The following TAFA5 variants were observed in gnomAD, a reference collection of about 807,000 sequenced individuals.
TAFA5 encodes TAFA chemokine like family member 5, also known as chemokine-like protein TAFA-5.
In TAFA5, 6 loss-of-function variants were observed where a neutral mutation model predicts 15.3. The ratio of observed to expected loss-of-function variants is 0.39; its 90% CI spans 0.21 to 0.77. The LOEUF (loss-of-function observed/expected upper bound fraction) is 0.77, where lower values mean the gene tolerates loss of function less well. Among genes scored for constraint, TAFA5 ranks in the 30% least tolerant of loss-of-function variants. TAFA5 has a pLI of 0.41. For missense variants in TAFA5, 161 were observed against 193.1 expected, an observed-to-expected ratio of 0.83 and a Z score of 0.98; for synonymous variants, 103 against 80.7, an observed-to-expected ratio of 1.28 and a Z score of -1.48.
At chr22:48,633,906 C>T (rs1926338329) in intron 1 of TAFA5, among the ~76,000 whole-genome samples, 2 of 152,200 alleles carry the variant, frequency 1.3e-5, no homozygotes, top group Non-Finnish European at 2.9e-5. Context: ...GTGTTTATTT[C>T]TCACAATCGT....
chr22:48,520,368 C>G (rs1921561057), intron 1 of TAFA5, among the ~76,000 whole-genome samples: 1 of 152,248 alleles, frequency 6.6e-6, no homozygotes, highest in South Asian at 2.1e-4. Flanking sequence ...TTGGCTGCTT[C>G]CATCCTTCTG....
chr22:48,695,465 G>A (rs1186759651), intron 2 of TAFA5, among the ~76,000 whole-genome samples: 1 of 152,232 alleles, frequency 6.6e-6, no homozygotes, highest in Non-Finnish European at 1.5e-5. Flanking sequence ...ATGGAAATGA[G>A]GAAAGTTTAT....
chr22:48,747,116 G>A (rs756049259), intron 3 of TAFA5, among the ~76,000 whole-genome samples: 1 of 152,142 alleles, frequency 6.6e-6, no homozygotes, highest in African/African-American at 2.4e-5. Context: ...ATTCCCGCCC[G>A]GCCCTGCCCT....
intron 2 of TAFA5, among the ~76,000 whole-genome samples, chr22:48,689,786 A>T (rs1246480557): frequency 6.6e-6 from 1 of 152,080 alleles, no homozygotes; most frequent in Non-Finnish European, 1.5e-5. Context: ...CATTGGCATA[A>T]CAGGTGAGGG....
intron 1 of TAFA5, among the ~76,000 whole-genome samples, chr22:48,631,051 G>C (rs900384557): frequency 6.6e-6 from 1 of 152,168 alleles, no homozygotes; most frequent in Non-Finnish European, 1.5e-5. Flanking sequence ...GTTCTGGAGG[G>C]GGTGTGGCTC....
chr22:48,507,630 G>A (rs916977244), intron 1 of TAFA5, among the ~76,000 whole-genome samples: 37 of 152,196 alleles, frequency 2.4e-4, no homozygotes, highest in African/African-American at 8.0e-4. Flanking sequence ...TTTCCCCATG[G>A]GGCCTCATTC....
chr22:48,541,183 C>T (rs955169109), intron 1 of TAFA5, among the ~76,000 whole-genome samples: 2 of 152,060 alleles, frequency 1.3e-5, no homozygotes, highest in African/African-American at 2.4e-5. Context: ...CCTCCCGGGG[C>T]GTTTGTACAG....
At chr22:48,743,655 G>A (rs985334709) in intron 3 of TAFA5, among the ~76,000 whole-genome samples, 19 of 152,186 alleles carry the variant, frequency 1.2e-4, no homozygotes, top group African/African-American at 4.6e-4. Flanking sequence ...GCCAGGAGCG[G>A]ACTGTGGGGG....
In TAFA5 at chr22:48,518,025, C is replaced by T. The variant is rs373511166; in HGVS notation, c.112+28321C>T. On this transcript the variant is annotated intron_variant, in intron 1 of 3. Coordinates refer to ENST00000402357, the MANE Select transcript of TAFA5 (RefSeq NM_001082967.3). Reference sequence around the variant, plus strand: ...CCCCACGTCCTCTCTGAACGCTGGCCGTGGTCACAGGCGGCTGGATGGGCA... The same window carrying T: ...CCCCACGTCCTCTCTGAACGCTGGCTGTGGTCACAGGCGGCTGGATGGGCA... Among the ~76,000 whole-genome samples, 215 of 152,312 alleles carry T rather than the reference C, an allele frequency of 1.4e-3. 1 individual carries two copies. Among genetic ancestry groups the T allele is most frequent in the African/African-American group, 5.0e-3 (208 of 41,570 alleles).
At chr22:48,655,594 A>G (rs1259921887) in intron 2 of TAFA5, among the ~76,000 whole-genome samples, 2 of 152,122 alleles carry the variant, frequency 1.3e-5, no homozygotes, top group Non-Finnish European at 2.9e-5. Context: ...CATGACCTGA[A>G]CATCGGTCAA....
chr22:48,527,720 C>T (rs979383435), intron 1 of TAFA5, among the ~76,000 whole-genome samples: 3 of 152,218 alleles, frequency 2.0e-5, no homozygotes, highest in Non-Finnish European at 4.4e-5. Context: ...GCTCTGTGGG[C>T]CTCTGCCCTA....
At chr22:48,533,418 C>A (rs1473837508) in intron 1 of TAFA5, among the ~76,000 whole-genome samples, 2 of 152,198 alleles carry the variant, frequency 1.3e-5, no homozygotes, top group Non-Finnish European at 2.9e-5. Context: ...GACTCCAGGG[C>A]AGGCCCTGGT....
chr22:48,737,163 G>A (rs959435744), intron 3 of TAFA5, among the ~76,000 whole-genome samples: 5 of 152,044 alleles, frequency 3.3e-5, no homozygotes, highest in African/African-American at 4.8e-5. Flanking sequence ...GCCCCGTGTC[G>A]AGCTCAGAGG....
rs563278417 is a variant in TAFA5, at chr22:48,521,694, G to A, written c.112+31990G>A. Among the ~76,000 whole-genome samples, 12 of 152,292 alleles carry A rather than the reference G, an allele frequency of 7.9e-5. No individual in the cohort carries two copies. In the South Asian group the frequency reaches 2.5e-3, roughly 32 times the overall value. The stretch of plus-strand genomic sequence containing the variant: ...GCGTGGCCACAGATGGACCCGATCC[G>A]TTAGGTGTAAAAGGTAAATACGGCG... On this transcript the variant is annotated intron_variant, in intron 1 of 3. Transcript: ENST00000402357.
At position 48,530,641 on chromosome 22, in the gene TAFA5, C is replaced by T. The variant is rs147816758; in HGVS notation, c.112+40937C>T. On this transcript the variant is annotated intron_variant, in intron 1 of 3. Coordinates refer to ENST00000402357, the MANE Select transcript of TAFA5 (RefSeq NM_001082967.3). The surrounding 1 kb of genome is among the most constrained non-coding windows in gnomAD (Gnocchi z 6.0). ...CTCCCTTCCCATCCCTTCTGCTTGG[C>T]GACCCTCCTCCAATGGGCTCCCGTC... Among the ~76,000 whole-genome samples the T allele has an allele frequency of 0.013, 1,906 of 152,124 alleles. 15 individuals carry two copies. The highest frequency in any genetic ancestry group is 0.022 in the Non-Finnish European group (1,497 of 67,996).
intron 1 of TAFA5, among the ~76,000 whole-genome samples, chr22:48,518,691 G>A (rs559925176): frequency 4.6e-5 from 7 of 152,256 alleles, no homozygotes; most frequent in Admixed American, 1.3e-4. Context: ...GACCCCTGAC[G>A]AGAACAGGGG....
intron 2 of TAFA5, among the ~76,000 whole-genome samples, chr22:48,659,312 C>T (rs560935070): frequency 2.1e-4 from 32 of 152,288 alleles, no homozygotes; most frequent in African/African-American, 7.0e-4. Flanking sequence ...CTACGGGGAC[C>T]GTCTTGTGGA....
At chr22:48,681,651 CAAA>C (rs11327855) in intron 2 of TAFA5, among the ~76,000 whole-genome samples, 24 of 120,710 alleles carry the variant, frequency 2.0e-4, no homozygotes, top group Non-Finnish European at 2.4e-4. Flanking sequence ...ACTCCATCTC[CAAA>C]AAAAAAAAAA....
chr22:48,682,310 G>A (rs1928216449), intron 2 of TAFA5, among the ~76,000 whole-genome samples: 1 of 152,234 alleles, frequency 6.6e-6, no homozygotes, highest in East Asian at 1.9e-4. Flanking sequence ...TGAAATGGCA[G>A]ATGGCACCTG....
Sources: gnomAD v4.1 joint callset for allele counts (sites outside exome capture counted in the v4.1 genomes callset) on GRCh38, gnomAD v4.1.1 for gene constraint, Gnocchi (gnomAD v3.1) non-coding constraint, MANE v1.5 for transcripts, NCBI Gene and HGNC (gene_info 2026-07-23, HGNC 2026-07-21) for gene names.